Variants in SPMAP2 observed in about 807,000 individuals in gnomAD.
SPMAP2 encodes Theg homolog.
chr19:363,930 G>A, the SPMAP2 span, among the ~76,000 whole-genome samples: 1 of 151,740 alleles, frequency 6.6e-6, no homozygotes, highest in Non-Finnish European at 1.5e-5. Context: ...TTGAACTGCT[G>A]GGTTCCAGCC....
chr19:366,930 C>T, the SPMAP2 span: 55 of 1,041,886 alleles, frequency 5.3e-5, no homozygotes, highest in Admixed American at 8.2e-5. Context: ...TGCTTCCGGA[C>T]CACACGTCCC....
At chr19:374,467 G>A in the SPMAP2 span, 13,511 of 1,612,204 alleles carry the variant, frequency 8.4e-3, 80 homozygotes, top group Middle Eastern at 9.8e-3. Flanking sequence ...TTCCCGCCCC[G>A]ATGCGTTTGG....
the SPMAP2 span, among the ~76,000 whole-genome samples, chr19:364,975 G>A: frequency 2.0e-5 from 3 of 152,184 alleles, no homozygotes; most frequent in African/African-American, 7.2e-5. Context: ...ATGAATAAGG[G>A]CTACCCACTT....
chr19:370,328 TAC>T, the SPMAP2 span, among the ~76,000 whole-genome samples: 1 of 151,550 alleles, frequency 6.6e-6, no homozygotes, highest in Admixed American at 6.6e-5. Flanking sequence ...AAAAGCTGTA[TAC>T]AGATATTCAC....
the SPMAP2 span, chr19:366,985 C>T: frequency 1.1e-4 from 163 of 1,443,622 alleles, no homozygotes; most frequent in African/African-American, 1.9e-3. Context: ...TCCCTCTGCC[C>T]GCTCTAGGCA....
At chr19:369,352 G>A in the SPMAP2 span, among the ~76,000 whole-genome samples, 3 of 152,200 alleles carry the variant, frequency 2.0e-5, no homozygotes, top group East Asian at 3.9e-4. Context: ...CCCGCCCGGA[G>A]AATGCAAGAC....
the SPMAP2 span, among the ~76,000 whole-genome samples, chr19:368,432 T>C: frequency 6.9e-6 from 1 of 145,828 alleles, no homozygotes; most frequent in African/African-American, 2.5e-5. The surrounding 1 kb of genome is among the most constrained non-coding windows in gnomAD (Gnocchi z 4.1). Flanking sequence ...CTCCCACTTA[T>C]GCTTTGCTGG....
At chr19:373,620 C>T in the SPMAP2 span, 89 of 1,222,724 alleles carry the variant, frequency 7.3e-5, no homozygotes, top group East Asian at 4.6e-4. Flanking sequence ...GGAGGGTGGC[C>T]GAGGTGGGGT....
the SPMAP2 span, among the ~76,000 whole-genome samples, chr19:372,098 T>A: frequency 1.3e-5 from 2 of 152,238 alleles, no homozygotes; most frequent in Non-Finnish European, 2.9e-5. Flanking sequence ...CACATCAACG[T>A]CTGTGTCAGA....
the SPMAP2 span, among the ~76,000 whole-genome samples, chr19:367,426 G>A: frequency 6.6e-6 from 1 of 152,138 alleles, no homozygotes; most frequent in African/African-American, 2.4e-5. Flanking sequence ...AACCCCAAAA[G>A]GGCTGAGCAA....
chr19:366,850 T>G, the SPMAP2 span, among the ~76,000 whole-genome samples: 1 of 152,218 alleles, frequency 6.6e-6, no homozygotes, highest in Non-Finnish European at 1.5e-5. Flanking sequence ...CTCTGGTTCC[T>G]GCTCTGCACC....
At chr19:373,752 TAAG>T in the SPMAP2 span, among the ~76,000 whole-genome samples, 1 of 151,538 alleles carries the variant, frequency 6.6e-6, no homozygotes, top group Non-Finnish European at 1.5e-5. Context: ...GAAGCATAGC[TAAG>T]AAGAGGGCCC....
chr19:374,283 T>A, the SPMAP2 span: 13 of 1,613,412 alleles, frequency 8.1e-6, no homozygotes, highest in Non-Finnish European at 1.1e-5. Flanking sequence ...GAGGCCGTGG[T>A]CTGGCGTGTC....
the SPMAP2 span, chr19:362,361 T>C: frequency 7.5e-6 from 12 of 1,608,916 alleles, no homozygotes; most frequent in Non-Finnish European, 1.0e-5. Flanking sequence ...ACCTTCTTGG[T>C]GACATCCAGC....
the SPMAP2 span, chr19:372,647 A>G: frequency 6.2e-7 from 1 of 1,614,050 alleles, no homozygotes; most frequent in Non-Finnish European, 8.5e-7. Context: ...TTGTTGTAAT[A>G]TTCCAGGTAG....
the SPMAP2 span, among the ~76,000 whole-genome samples, chr19:368,276 G>A: frequency 1.2e-4 from 19 of 152,250 alleles, no homozygotes; most frequent in Admixed American, 3.9e-4. The surrounding 1 kb of genome is among the most constrained non-coding windows in gnomAD (Gnocchi z 4.1). Context: ...ACTGCGCGGC[G>A]CTCAGACACC....
At chr19:371,548 A>G in the SPMAP2 span, among the ~76,000 whole-genome samples, 1 of 152,200 alleles carries the variant, frequency 6.6e-6, no homozygotes, top group Non-Finnish European at 1.5e-5. Flanking sequence ...AAGAATTTCT[A>G]AGAGTTCTCA....
chr19:374,159 C>A, the SPMAP2 span: 22 of 1,489,056 alleles, frequency 1.5e-5, no homozygotes, highest in Admixed American at 3.5e-4. Flanking sequence ...AACTGGCCAA[C>A]CCCACCTACC....
At chr19:368,661 TC>T in the SPMAP2 span, among the ~76,000 whole-genome samples, 2 of 152,134 alleles carry the variant, frequency 1.3e-5, no homozygotes, top group Admixed American at 1.3e-4. This position sits in a 1 kb window ranked among gnomAD's most constrained non-coding sequence, Gnocchi z 4.1. Flanking sequence ...GATGAAACCA[TC>T]CCCAAAGGTC....
Sources: gnomAD v4.1 joint callset for allele counts (sites outside exome capture counted in the v4.1 genomes callset) on GRCh38, gnomAD v4.1.1 for gene constraint, Gnocchi (gnomAD v3.1) non-coding constraint, MANE v1.5 for transcripts, NCBI Gene and HGNC (gene_info 2026-07-23, HGNC 2026-07-21) for gene names.